Variants in CNTN6 observed in about 807,000 individuals in gnomAD.
CNTN6 encodes the protein contactin-6.
In CNTN6, 137 loss-of-function variants were observed where a neutral mutation model predicts 122.8. That is an observed-to-expected ratio of 1.12 (90% confidence interval 0.97 to 1.29). The LOEUF (loss-of-function observed/expected upper bound fraction) is 1.29. Ranked by LOEUF, CNTN6 falls within the 50% of genes most tolerant of loss-of-function variation. The probability of loss-of-function intolerance (pLI) is 0.00; values close to 1 mark genes in which losing one functional copy is unlikely to be tolerated. For synonymous variants in CNTN6, 570 were observed against 426.0 expected (o/e 1.34, Z -4.16); for missense variants, 1,634 against 1,223.4 (o/e 1.34, Z -5.01).
chr3:1,274,976 TTTGA>T (rs145957051), intron 4 of CNTN6, among the ~76,000 whole-genome samples: 2,422 of 152,224 alleles, frequency 0.016, 51 homozygotes, highest in African/African-American at 0.052. Context: ...CCCAAATCAG[TTTGA>T]TTGAAAAATT....
chr3:1,325,912 G>T lies in CNTN6; in HGVS notation c.1044G>T (p.Trp348Cys). The T allele has an allele frequency of 1.2e-6, 2 of 1,611,178 alleles. No individual in the cohort carries two copies. The highest frequency in any genetic ancestry group is 1.7e-6 in the Non-Finnish European group (2 of 1,178,346). Residue 348 changes from tryptophan (W) to cysteine (C), a missense_variant, in exon 9 of 23, where the codon TGG becomes TGT. Physicochemically the swap from Trp to Cys is radical, Grantham distance 215 (BLOSUM62 -2). Transcript: ENST00000446702. ...AAGCTAGTGGAAAGCCAAACCCTTG[G>T]TATACATGGTTAAAAAATGGTGAAC... The part of the protein sequence containing the change: ...ECKASGKPNP[W>C]YTWLKNGERL...
intron 4 of CNTN6, among the ~76,000 whole-genome samples, chr3:1,256,265 T>C (rs1456207915): frequency 6.6e-6 from 1 of 152,262 alleles, no homozygotes; most frequent in Middle Eastern, 3.4e-3. Flanking sequence ...TCTGGGAGCC[T>C]ATTGAGTCAT....
At position 1,352,441 on chromosome 3, in the gene CNTN6, C is replaced by G. The variant is rs760037886; in HGVS notation, c.1482C>G (p.Leu494=). 5.6e-6 allele frequency: 9 copies of G among 1,609,542 alleles called. No individual in the cohort carries two copies. Among genetic ancestry groups the G allele is most frequent in the Non-Finnish European group, 7.6e-6 (9 of 1,177,098 alleles). Residue 494 remains leucine, a synonymous_variant, in exon 12 of 23, where the codon CTC becomes CTG. Transcript: ENST00000446702. ...GCACTGCAAAGAACACTGGCAGCCTCATTGTAAAAGGTATCATATTATCTT... is the reference window on the plus strand; with the variant it reads ...GCACTGCAAAGAACACTGGCAGCCTGATTGTAAAAGGTATCATATTATCTT... ...QFGTAKNTGS[L]IVKERTVITV...
chr3:1,243,771 C>T (rs1002407003), intron 4 of CNTN6, among the ~76,000 whole-genome samples: 1 of 151,994 alleles, frequency 6.6e-6, no homozygotes, highest in Admixed American at 6.6e-5. Flanking sequence ...TAAGCCAGAC[C>T]GGGTGTGAGG....
intron 5 of CNTN6, among the ~76,000 whole-genome samples, chr3:1,291,624 C>T (rs1008609380): frequency 2.0e-5 from 3 of 152,140 alleles, no homozygotes; most frequent in Admixed American, 1.3e-4. Context: ...GATGAGGAGT[C>T]AATGACAACA....
rs145269487 is a variant in CNTN6, at chr3:1,147,787, T to C, written c.-82-140T>C. The C allele has an allele frequency of 1.3e-4, 51 of 391,642 alleles. No homozygotes were observed. The East Asian group carries it at 1.8e-3, about 13-fold the overall frequency. 24.3% of individuals were successfully genotyped at this position (391,642 alleles called of 1,614,324 possible). ...CTGGAACTCGCAGAACAAATGTATG[T>C]GTAGAAAGCATCCATTTAGGTTGCT... On this transcript the variant is annotated intron_variant, in intron 1 of 22. Transcript: ENST00000446702.
At chr3:1,287,136 C>A (rs762819847) in intron 5 of CNTN6, among the ~76,000 whole-genome samples, 1 of 152,002 alleles carries the variant, frequency 6.6e-6, no homozygotes. Flanking sequence ...ACTTTAACAC[C>A]CCACTGTCAA....
At chr3:1,102,694 C>T (rs1437031215) in intron 1 of CNTN6, among the ~76,000 whole-genome samples, 2 of 149,808 alleles carry the variant, frequency 1.3e-5, no homozygotes, top group African/African-American at 4.9e-5. Context: ...CGCCACCGCC[C>T]TCCAGCCTGG....
At chr3:1,270,571 G>A (rs2095007239) in intron 4 of CNTN6, among the ~76,000 whole-genome samples, 1 of 152,116 alleles carries the variant, frequency 6.6e-6, no homozygotes, top group South Asian at 2.1e-4. Flanking sequence ...CTTCAACATG[G>A]GAACCGCATC....
At chr3:1,293,683 T>G (rs963299478) in intron 5 of CNTN6, among the ~76,000 whole-genome samples, 1 of 152,160 alleles carries the variant, frequency 6.6e-6, no homozygotes, top group Non-Finnish European at 1.5e-5. Context: ...AATTCAAAAG[T>G]GTATGAGGGT....
intron 1 of CNTN6, among the ~76,000 whole-genome samples, chr3:1,109,374 A>G (rs1409862319): frequency 6.6e-6 from 1 of 152,094 alleles, no homozygotes; most frequent in Non-Finnish European, 1.5e-5. Context: ...ATAGTTTCTA[A>G]TCTTTTATTG....
chr3:1,212,165 C>G (rs143621578), intron 2 of CNTN6, among the ~76,000 whole-genome samples: 216 of 151,298 alleles, frequency 1.4e-3, no homozygotes, highest in African/African-American at 4.9e-3. Context: ...CAATATTGTA[C>G]AATTTTCATA....
chr3:1,096,903 G>A (rs534347127), intron 1 of CNTN6, among the ~76,000 whole-genome samples: 2 of 152,182 alleles, frequency 1.3e-5, no homozygotes, highest in South Asian at 4.1e-4. Flanking sequence ...TCTGCACCAC[G>A]ACCACTGCCA....
At chr3:1,285,154 T>G (rs1349096133) in intron 5 of CNTN6, among the ~76,000 whole-genome samples, 2 of 152,190 alleles carry the variant, frequency 1.3e-5, no homozygotes, top group East Asian at 3.8e-4. Context: ...CCAGGTGGAT[T>G]GCTGTAGACA....
intron 17 of CNTN6, among the ~76,000 whole-genome samples, chr3:1,380,201 G>A (rs3772274): frequency 0.43 from 65,820 of 152,030 alleles, 14,734 homozygotes; most frequent in East Asian, 0.65. Context: ...ACTGTTCTAA[G>A]TTCAGTCACA....
chr3:1,102,829 C>T (rs150788865), intron 1 of CNTN6, among the ~76,000 whole-genome samples: 3,361 of 148,330 alleles, frequency 0.023, 200 homozygotes, highest in African/African-American at 0.075. Context: ...ATGTCCAGGC[C>T]GGGAGCTGTG....
chr3:1,321,974 C>G (rs953995808), intron 8 of CNTN6, 140 bp downstream of exon 8: 3 of 651,642 alleles, frequency 4.6e-6, no homozygotes, highest in Non-Finnish European at 5.2e-6. Context: ...ATGCTTAACA[C>G]AATGATTAGC....
chr3:1,318,883 G>C (rs981632854), intron 7 of CNTN6, among the ~76,000 whole-genome samples: 2 of 151,636 alleles, frequency 1.3e-5, no homozygotes, highest in Non-Finnish European at 3.0e-5. Flanking sequence ...TGGCTCTTAA[G>C]GGTACAAAGT....
intron 12 of CNTN6, 116 bp from the exon 13 acceptor site, chr3:1,372,183 A>G (rs955542099): frequency 6.0e-6 from 4 of 664,354 alleles, no homozygotes; most frequent in African/African-American, 5.6e-5. Flanking sequence ...ACATTGTAGA[A>G]CTCCAGGTTG....
Sources: gnomAD v4.1 joint callset for allele counts (sites outside exome capture counted in the v4.1 genomes callset) on GRCh38, gnomAD v4.1.1 for gene constraint, MANE v1.5 for transcripts, NCBI Gene and HGNC (gene_info 2026-07-23, HGNC 2026-07-21) for gene names.